The following MBOAT7 variants were observed in gnomAD, a reference collection of about 807,000 sequenced individuals.
The protein encoded by MBOAT7 is membrane-bound acylglycerophosphatidylinositol O-acyltransferase MBOAT7.
In MBOAT7, 40 loss-of-function variants were observed where a neutral mutation model predicts 47.4. The observed-to-expected ratio is 0.84, with a 90% CI of 0.66 to 1.10. The LOEUF (loss-of-function observed/expected upper bound fraction) is 1.10, where lower values mean the gene tolerates loss of function less well. Among genes scored for constraint, MBOAT7 ranks in the 50% least tolerant of loss-of-function variants. The pLI, the probability that MBOAT7 is intolerant of heterozygous loss-of-function variation, is 0.00. For missense variants in MBOAT7, 680 were observed against 655.6 expected, an observed-to-expected ratio of 1.04 and a Z score of -0.41; for synonymous variants, 361 against 292.0, an observed-to-expected ratio of 1.24 and a Z score of -2.41.
rs2075968641 is a variant in MBOAT7 at position 54,173,449 on chromosome 19, A to G, written c.*595T>C. ...ACACTTTATTGGGAAAGATTTACAC[A>G]CGGTGACCTGTCATAGGCCAAGCGA... is the stretch of plus-strand genomic sequence containing the variant. On this transcript the variant is annotated 3_prime_UTR_variant, in exon 8 of 8. Transcript: ENST00000245615. 3.8e-6 allele frequency: 1 copy of G among 259,806 alleles called. No homozygotes were observed. Among genetic ancestry groups the G allele is most frequent in the Admixed American group, 5.1e-5 (1 of 19,574 alleles). The allele number at this position is 259,806 out of a possible 1,614,324, so 16.1% of individuals were successfully genotyped here. A position where few individuals can be genotyped will look rare whatever the true frequency, so the allele number is the denominator to read the frequency against.
rs368279422 is a variant in MBOAT7, at chr19:54,173,915, G to A, written c.*129C>T. 2.2e-4 allele frequency: 259 copies of A among 1,179,660 alleles called. 2 individuals are homozygous for A. The African/African-American group carries it at 3.7e-3, about 17-fold the overall frequency. The allele number at this position is 1,179,660 out of a possible 1,614,324, so 73.1% of individuals were successfully genotyped here. On this transcript the variant is annotated 3_prime_UTR_variant, in exon 8 of 8. Transcript: ENST00000245615. ...CGGGTCTGCTTCAGTTGCAGGCAGGGTATTTAGCTGGGGAAGAGGAAATTC... is the reference window on the plus strand; with the variant it reads ...CGGGTCTGCTTCAGTTGCAGGCAGGATATTTAGCTGGGGAAGAGGAAATTC...
chr19:54,186,320 G>A (rs907266758), intron 4 of MBOAT7, among the ~76,000 whole-genome samples: 3 of 152,082 alleles, frequency 2.0e-5, no homozygotes, highest in African/African-American at 7.2e-5. Flanking sequence ...CAGCCAGAAC[G>A]AGTATTTTTA....
rs2076238406 is a variant in MBOAT7, at chr19:54,180,745, T to C, written c.854+28A>G. On this transcript the variant is annotated intron_variant, in intron 6 of 7. Transcript: ENST00000245615. The surrounding 1 kb of genome is among the most constrained non-coding windows in gnomAD (Gnocchi z 5.2). ...CCTTGGAGGTGGGGGCTGCTGGGTC[T>C]TGGGAAGCCTCCCTCGCGCCGCCTG... is the stretch of plus-strand genomic sequence containing the variant. 6.7e-7 allele frequency: 1 copy of C among 1,482,642 alleles called. No homozygotes were observed. Among genetic ancestry groups the C allele is most frequent in the Admixed American group, 2.3e-5 (1 of 42,654 alleles). 91.8% of individuals were successfully genotyped at this position (1,482,642 alleles called of 1,614,324 possible).
At chr19:54,184,379 T>C (rs2076373914) in intron 4 of MBOAT7, among the ~76,000 whole-genome samples, 1 of 152,010 alleles carries the variant, frequency 6.6e-6, no homozygotes, top group Non-Finnish European at 1.5e-5. Context: ...TCTCCACTAC[T>C]GAGCTGAATA....
intron 4 of MBOAT7, 88 bp from the exon 5 acceptor site, chr19:54,183,768 C>T (rs1210370022): frequency 7.3e-7 from 1 of 1,361,426 alleles, no homozygotes; most frequent in African/African-American, 1.5e-5. Flanking sequence ...CCTCGGCAGC[C>T]AAGGGGTGCT....
chr19:54,185,743 T>TGGA (rs2076412249), intron 4 of MBOAT7, among the ~76,000 whole-genome samples: 1 of 152,122 alleles, frequency 6.6e-6, no homozygotes, highest in Admixed American at 6.5e-5. Context: ...AGGCCCAGGC[T>TGGA]GGAGTGCAAT....
At chr19:54,188,375 G>A (rs545678322) in intron 2 of MBOAT7, 29 bp from the exon 3 acceptor site, 1 of 1,607,778 alleles carries the variant, frequency 6.2e-7, no homozygotes, top group African/African-American at 1.3e-5. Context: ...GCATAAGCCT[G>A]GAACCTTCCA....
In MBOAT7 at chr19:54,178,845, C is replaced by G. The variant is rs1295808309; in HGVS notation, c.951G>C (p.Met317Ile). The change falls in exon 7 of 8, where the codon ATG becomes ATC. Residue 317 changes from methionine (M) to isoleucine (I), a missense_variant. Physicochemically the swap from Met to Ile is conservative, Grantham distance 10 (BLOSUM62 1). Coordinates refer to ENST00000245615, the MANE Select transcript of MBOAT7 (RefSeq NM_024298.5). ...ACTGCACCGTCATGTTCCAGTACCG[C>G]ATGCCATCGCGCACCCGCACGCAGA... ...TDFCVRVRDG[M>I]RYWNMTVQWW... is the part of the protein sequence containing the mutation. 4 of 1,613,614 alleles carry G rather than the reference C, an allele frequency of 2.5e-6. No homozygotes were observed. Among genetic ancestry groups the G allele is most frequent in the Non-Finnish European group, 3.4e-6 (4 of 1,180,036 alleles).
intron 7 of MBOAT7, among the ~76,000 whole-genome samples, chr19:54,176,015 A>G (rs934677292): frequency 4.0e-5 from 6 of 151,588 alleles, no homozygotes; most frequent in Non-Finnish European, 7.4e-5. Context: ...GAGCCACTGC[A>G]CCCAGCCATT....
In MBOAT7 at chr19:54,174,300, C is replaced by G. The variant is rs371287420; in HGVS notation, c.1163G>C (p.Ser388Thr). ...RLESALRGRL[S>T]PGGQKAWDWV... The stretch of plus-strand genomic sequence containing the variant: ...GTCCCAGGCCTTCTGGCCCCCTGGG[C>G]TCAGCCGCCCCCGCAGGGCTGACTC... The change falls in exon 8 of 8, where the codon AGC (serine) becomes ACC (threonine). Residue 388 changes from serine (S) to threonine (T), a missense_variant. Ser to Thr is a moderately conservative substitution (Grantham distance 58). Coordinates refer to ENST00000245615, the MANE Select transcript of MBOAT7 (RefSeq NM_024298.5). 26 of 1,613,104 alleles carry G rather than the reference C, an allele frequency of 1.6e-5. 1 individual carries two copies. Among genetic ancestry groups the G allele is most frequent in the Middle Eastern group, 1.6e-4 (1 of 6,074 alleles).
In MBOAT7 at chr19:54,188,330, T is replaced by G. The variant is rs764274699; in HGVS notation, c.93A>C (p.Arg31Ser). Residue 31 changes from arginine to serine, a missense_variant, in exon 3 of 8, where the codon AGA becomes AGC. Arg to Ser is a moderately radical substitution (Grantham distance 110, BLOSUM62 -1). Coordinates refer to ENST00000245615, the MANE Select transcript of MBOAT7 (RefSeq NM_024298.5). ...CCAGGCCCACAGCGGCTGCTCCCCA[T>G]CTCTTCAGCCCAGGACCTGCAGGGG... ...LFKKAGPGLKRWGAAAVGLGL... is the reference protein window; with the variant it reads ...LFKKAGPGLKSWGAAAVGLGL... The G allele has an allele frequency of 6.2e-7, 1 of 1,613,704 alleles. No homozygotes were observed. The highest frequency in any genetic ancestry group is 8.5e-7 in the Non-Finnish European group (1 of 1,179,870).
chr19:54,186,372 C>G (rs1475833386), intron 4 of MBOAT7, among the ~76,000 whole-genome samples: 3 of 152,120 alleles, frequency 2.0e-5, no homozygotes, highest in Non-Finnish European at 4.4e-5. Context: ...GGCAGCAAAC[C>G]AAAAATCCCC....
chr19:54,188,394 C>A (rs1434390737), intron 2 of MBOAT7, 39 bp downstream of exon 2: 1 of 1,590,902 alleles, frequency 6.3e-7, no homozygotes, highest in African/African-American at 1.3e-5. Context: ...CAGAGGGTCC[C>A]CCCCCTTTAT....
At chr19:54,175,610 A>C (rs917582239) in intron 7 of MBOAT7, among the ~76,000 whole-genome samples, 5 of 152,086 alleles carry the variant, frequency 3.3e-5, no homozygotes, top group Admixed American at 6.6e-5. Context: ...CTCTGTTGCC[A>C]CACGACAAGG....
rs746576055 is a variant in MBOAT7 at position 54,180,737 on chromosome 19, G to A, written c.854+36C>T. 1.4e-6 allele frequency: 2 copies of A among 1,465,722 alleles called. No homozygotes were observed. The highest frequency in any genetic ancestry group is 2.8e-5 in the African/African-American group (2 of 70,380). 90.8% of individuals were successfully genotyped at this position (1,465,722 alleles called of 1,614,324 possible). A position where few individuals can be genotyped will look rare whatever the true frequency, so the allele number is the denominator to read the frequency against. On this transcript the variant is annotated intron_variant, in intron 6 of 7. Transcript: ENST00000245615. This position sits in a 1 kb window ranked among gnomAD's most constrained non-coding sequence, Gnocchi z 5.2. Reference sequence around the variant, plus strand: ...GAGCCAGCCCTTGGAGGTGGGGGCTGCTGGGTCTTGGGAAGCCTCCCTCGC... The same window carrying A: ...GAGCCAGCCCTTGGAGGTGGGGGCTACTGGGTCTTGGGAAGCCTCCCTCGC...
rs574808387 is a variant in MBOAT7, at chr19:54,180,324, G to A, written c.854+449C>T. 4.1e-4 allele frequency: 65 copies of A among 159,200 alleles called. No individual in the cohort carries two copies. Among genetic ancestry groups the A allele is most frequent in the African/African-American group, 1.4e-3 (60 of 41,702 alleles). 9.9% of individuals were successfully genotyped at this position (159,200 alleles called of 1,614,324 possible). On this transcript the variant is annotated intron_variant, in intron 6 of 7. Transcript: ENST00000245615. This position sits in a 1 kb window ranked among gnomAD's most constrained non-coding sequence, Gnocchi z 5.2. ...AAAACTTCTGGTAAAAAGGAGGTGA[G>A]CTACTGTTGCTAGGGATCCTGCTTC...
chr19:54,188,420 G>A lies in MBOAT7; in HGVS notation c.76+13C>T, dbSNP rs2076520436. On this transcript the variant is annotated intron_variant, in intron 2 of 7. Coordinates refer to ENST00000245615, the MANE Select transcript of MBOAT7 (RefSeq NM_024298.5). ...CCCCCTTTATTTTCCACTGGGGAGG[G>A]AGCCTGACTCACCGGCTTTCTTAAA... 1.3e-6 allele frequency: 2 copies of A among 1,569,736 alleles called. No individual in the cohort carries two copies. The highest frequency in any genetic ancestry group is 1.7e-6 in the Non-Finnish European group (2 of 1,156,356).
At chr19:54,184,641 G>C (rs371667517) in intron 4 of MBOAT7, among the ~76,000 whole-genome samples, 8 of 152,060 alleles carry the variant, frequency 5.3e-5, no homozygotes, top group African/African-American at 1.9e-4. Context: ...GGTGGCTCAC[G>C]CCTGTAATCC....
chr19:54,183,720 T>A (rs1400869097), intron 4 of MBOAT7, 40 bp from the exon 5 acceptor site: 1 of 1,495,708 alleles, frequency 6.7e-7, no homozygotes, highest in Non-Finnish European at 8.9e-7. Flanking sequence ...GGTCAGACTC[T>A]GGGCCCTTCC....
Sources: gnomAD v4.1 joint callset for allele counts (sites outside exome capture counted in the v4.1 genomes callset) on GRCh38, gnomAD v4.1.1 for gene constraint, Gnocchi (gnomAD v3.1) non-coding constraint, MANE v1.5 for transcripts, NCBI Gene and HGNC (gene_info 2026-07-23, HGNC 2026-07-21) for gene names.